Variants in GSE1 observed in about 807,000 individuals in gnomAD.
GSE1 encodes genetic suppressor element 1.
In GSE1, 32 loss-of-function variants were observed where a neutral mutation model predicts 112.6. That is an observed-to-expected ratio of 0.28 (90% CI 0.21 to 0.38). The LOEUF (loss-of-function observed/expected upper bound fraction) is 0.38, where lower values mean the gene tolerates loss of function less well. Among genes scored for constraint, GSE1 ranks in the 10% least tolerant of loss-of-function variants. The probability of loss-of-function intolerance (pLI) is 1.00; values close to 1 mark genes in which losing one functional copy is unlikely to be tolerated. For missense variants in GSE1, 2,348 were observed against 1,699.2 expected, an observed-to-expected ratio of 1.38 and a Z score of -6.71; for synonymous variants, 1,115 against 735.6, an observed-to-expected ratio of 1.52 and a Z score of -8.35.
At chr16:85,177,938 T>G (rs777388439) in intron 1 of GSE1, among the ~76,000 whole-genome samples, 7 of 152,098 alleles carry the variant, frequency 4.6e-5, no homozygotes, top group Non-Finnish European at 1.0e-4. Flanking sequence ...ATATCTACCT[T>G]GGAGAAGAGC....
intron 2 of GSE1, among the ~76,000 whole-genome samples, chr16:85,634,952 C>CG (rs140859446): frequency 0.074 from 11,308 of 152,008 alleles, 661 homozygotes; most frequent in African/African-American, 0.16. Flanking sequence ...TGCTGACAGG[C>CG]GGGGGGGCTG....
intron 2 of GSE1, among the ~76,000 whole-genome samples, chr16:85,471,868 G>T (rs928189484): frequency 1.3e-5 from 2 of 152,218 alleles, no homozygotes; most frequent in Admixed American, 6.5e-5. Flanking sequence ...ACACTGTCGT[G>T]CCTGGCTAAG....
Position 85,204,021 on chromosome 16 carries a change from C to T in GSE1, c.2283+32214C>T, listed in dbSNP as rs145527140. Among the ~76,000 whole-genome samples, 757 of 152,312 alleles carry T rather than the reference C, an allele frequency of 5.0e-3. 3 individuals are homozygous for T. Among genetic ancestry groups the T allele is most frequent in the African/African-American group, 0.017 (707 of 41,554 alleles). On this transcript the variant is annotated intron_variant, in intron 1 of 2. Coordinates refer to the GSE1 transcript ENST00000637419. Reference sequence around the variant, plus strand: ...CTCAAGCAGTCTTTCTGCCTCGCCTCGGCCTCCCAAAGTGCTGGGATTACA... The same window carrying T: ...CTCAAGCAGTCTTTCTGCCTCGCCTTGGCCTCCCAAAGTGCTGGGATTACA...
chr16:85,285,342 G>A (rs1381674823), intron 1 of GSE1: 1 of 152,202 alleles, frequency 6.6e-6, no homozygotes, highest in Non-Finnish European at 1.5e-5. Flanking sequence ...TACTCAAAGT[G>A]GGGTCTGTAC....
intron 1 of GSE1, among the ~76,000 whole-genome samples, chr16:85,630,699 G>T (rs1355708573): frequency 6.6e-6 from 1 of 152,216 alleles, no homozygotes; most frequent in Admixed American, 6.5e-5. Context: ...TTCTGATCGG[G>T]TGCCATGGTT....
chr16:85,315,331 T>G (rs1023600570), intron 1 of GSE1, among the ~76,000 whole-genome samples: 1 of 152,148 alleles, frequency 6.6e-6, no homozygotes, highest in African/African-American at 2.4e-5. Flanking sequence ...GCACATCAGA[T>G]TGAAGGACGT....
At chr16:85,577,148 G>A (rs909120343) in intron 1 of GSE1, among the ~76,000 whole-genome samples, 3 of 152,118 alleles carry the variant, frequency 2.0e-5, no homozygotes, top group African/African-American at 4.8e-5. Flanking sequence ...GGTCCTGGAG[G>A]TGAGCTGACC....
chr16:85,635,242 T>TG (rs1020687160), intron 2 of GSE1, among the ~76,000 whole-genome samples: 3 of 151,792 alleles, frequency 2.0e-5, no homozygotes, highest in East Asian at 1.9e-4. Flanking sequence ...CATTGATGGA[T>TG]GGGGGGTATT....
At chr16:85,292,295 T>C (rs947687240) in intron 1 of GSE1, among the ~76,000 whole-genome samples, 1 of 147,718 alleles carries the variant, frequency 6.8e-6, no homozygotes, top group Non-Finnish European at 1.5e-5. Context: ...CACGCCACCA[T>C]GCCCAGCTAA....
chr16:85,233,527 C>A (rs1421073277), intron 1 of GSE1, among the ~76,000 whole-genome samples: 1 of 152,178 alleles, frequency 6.6e-6, no homozygotes, highest in South Asian at 2.1e-4. Context: ...CATGTATGTT[C>A]ATGCACACAT....
intron 1 of GSE1, among the ~76,000 whole-genome samples, chr16:85,344,068 C>T (rs543716249): frequency 3.3e-4 from 51 of 152,296 alleles, no homozygotes; most frequent in African/African-American, 1.2e-3. Context: ...CTGAGGACGC[C>T]GTGCCAGGGC....
intron 1 of GSE1, among the ~76,000 whole-genome samples, chr16:85,330,083 G>A (rs945385736): frequency 9.2e-5 from 14 of 152,230 alleles, no homozygotes; most frequent in Admixed American, 2.6e-4. Context: ...GCGGCCAGGA[G>A]TGGGGAATGG....
chr16:85,376,428 G>A (rs2047421777), intron 2 of GSE1, among the ~76,000 whole-genome samples: 1 of 152,218 alleles, frequency 6.6e-6, no homozygotes, highest in African/African-American at 2.4e-5. Context: ...GGGTGAGTTC[G>A]GTGGCTGCGC....
chr16:85,235,428 CTGTG>C (rs60860144), intron 1 of GSE1, among the ~76,000 whole-genome samples: 24,676 of 126,030 alleles, frequency 0.2, 2,260 homozygotes, highest in Middle Eastern at 0.31. Flanking sequence ...TGGAAGGGTA[CTGTG>C]TGTGTGTGTG....
In GSE1 at chr16:85,254,262, G is replaced by A. The variant is rs1247031812; in HGVS notation, c.2283+82455G>A. ...AGCCGGCACTGGAGCCCACTCCTGG[G>A]AAGCAGGAACAGGTGGTGGGACCCA... On this transcript the variant is annotated intron_variant, in intron 1 of 2. Coordinates refer to the GSE1 transcript ENST00000637419. Among the ~76,000 whole-genome samples the A allele has an allele frequency of 2.0e-5, 3 of 152,306 alleles. No individual in the cohort carries two copies. In the East Asian group the frequency reaches 5.8e-4, roughly 29 times the overall value.
At position 85,413,713 on chromosome 16, in the gene GSE1, A is replaced by G. The variant is rs373978739; in HGVS notation, c.2464+56070A>G. 3.3e-5 allele frequency among the ~76,000 whole-genome samples: 5 copies of G among 152,212 alleles called. No individual in the cohort carries two copies. The East Asian group carries it at 9.7e-4, about 29-fold the overall frequency. Reference sequence around the variant, plus strand: ...TGAGGAATTTAACATAGAGAATCCTAATGGTTACTCCCAGAACCTCCAGGG... The same window carrying G: ...TGAGGAATTTAACATAGAGAATCCTGATGGTTACTCCCAGAACCTCCAGGG... On this transcript the variant is annotated intron_variant, in intron 2 of 2. Coordinates refer to the GSE1 transcript ENST00000637419.
chr16:85,212,449 G>C (rs2075242497), intron 1 of GSE1, among the ~76,000 whole-genome samples: 1 of 152,086 alleles, frequency 6.6e-6, no homozygotes, highest in African/African-American at 2.4e-5. Flanking sequence ...AGAATGGTTT[G>C]GGTAGAGTGA....
At chr16:85,265,089 A>T (rs1025296958) in intron 1 of GSE1, among the ~76,000 whole-genome samples, 1 of 152,210 alleles carries the variant, frequency 6.6e-6, no homozygotes. Flanking sequence ...CACTCTTATC[A>T]CTGCAATGGC....
chr16:85,197,633 C>T (rs1029429051), intron 1 of GSE1, among the ~76,000 whole-genome samples: 1 of 152,228 alleles, frequency 6.6e-6, no homozygotes, highest in African/African-American at 2.4e-5. Context: ...AGACTAAAGT[C>T]AATCCCTCTC....
Sources: gnomAD v4.1 joint callset for allele counts (sites outside exome capture counted in the v4.1 genomes callset) on GRCh38, gnomAD v4.1.1 for gene constraint, MANE v1.5 for transcripts, NCBI Gene and HGNC (gene_info 2026-07-23, HGNC 2026-07-21) for gene names.